The following PRB4 variants were observed in gnomAD, a reference collection of about 807,000 sequenced individuals.
PRB4 encodes the protein proline rich protein BstNI subfamily 4, also known as basic salivary proline-rich protein 4.
Under a neutral mutation model 9.1 loss-of-function variants are expected in PRB4, and 14 were observed. The observed-to-expected ratio is 1.54, with a 90% confidence interval of 1.02 to 2.41. The LOEUF is 2.41. Among genes scored for constraint, PRB4 ranks in the 30% most tolerant of loss-of-function variants. PRB4 has a pLI of 0.00. For synonymous variants in PRB4, 102 were observed against 108.5 expected (o/e 0.94, Z 0.37); for missense variants, 381 against 299.3 (o/e 1.27, Z -2.02).
Position 11,308,735 on chromosome 12 carries a change from G to C in PRB4, c.248C>G (p.Pro83Arg). The change falls in exon 3 of 4, where the codon CCA becomes CGA. Residue 83 changes from proline (P) to arginine (R), a missense_variant. Physicochemically the swap from Pro to Arg is moderately radical, Grantham distance 103. This residue lies in a region of PRB4 where 151 missense variants were observed against 105.8 expected (regional missense o/e 1.43). Transcript: ENST00000279575. ...ACCTTGGGACTGGTTGCCTCCTTGTGGGGGTCGTCCTTCTGGCTTTCCTGG... is the reference window on the plus strand; with the variant it reads ...ACCTTGGGACTGGTTGCCTCCTTGTCGGGGTCGTCCTTCTGGCTTTCCTGG... ...PPPGKPEGRP[P>R]QGGNQSQGPP... 6.3e-7 allele frequency: 1 copy of C among 1,598,552 alleles called. No homozygotes were observed. The highest frequency in any genetic ancestry group is 1.1e-5 in the South Asian group (1 of 90,478).
chr12:11,308,310 G>T lies in PRB4; in HGVS notation c.673C>A (p.Gln225Lys). Residue 225 changes from glutamine to lysine, a missense_variant, in exon 3 of 4, where the codon CAG becomes AAG. This residue lies in a region of PRB4 where 204 missense variants were observed against 134.4 expected (regional missense o/e 1.52). Coordinates refer to ENST00000279575, the MANE Select transcript of PRB4 (RefSeq NM_002723.6). ...CCTTGAGGAGGTGGAGGTGGCCCCT[G>T]GGGCTTTCCAGCAGGAGGTGCCTGA... Reference protein sequence around the residue: ...QPQAPPAGKPQGPPPPPQGGR... With the variant: ...QPQAPPAGKPKGPPPPPQGGR... 6.2e-7 allele frequency: 1 copy of T among 1,610,362 alleles called. No individual in the cohort carries two copies. Among genetic ancestry groups the T allele is most frequent in the Non-Finnish European group, 8.5e-7 (1 of 1,178,034 alleles).
chr12:11,309,437 T>C, intron 1 of PRB4, 32 bp from the exon 2 acceptor site: 1 of 1,614,022 alleles, frequency 6.2e-7, no homozygotes, highest in South Asian at 1.1e-5. Context: ...ATGGGAAATG[T>C]TACATCTCAA....
chr12:11,308,013 T>G (rs952505655), intron 3 of PRB4, among the ~76,000 whole-genome samples: 8 of 152,220 alleles, frequency 5.3e-5, no homozygotes, highest in African/African-American at 1.9e-4. Flanking sequence ...GATCATATGG[T>G]ATGTTGTTTC....
chr12:11,310,363 G>T lies in PRB4; in HGVS notation c.36C>A (p.Ala12=). The T allele has an allele frequency of 6.2e-7, 1 of 1,614,168 alleles. No homozygotes were observed. The highest frequency in any genetic ancestry group is 8.5e-7 in the Non-Finnish European group (1 of 1,180,034). Residue 12 remains alanine (A), a synonymous_variant, in exon 1 of 4, where the codon GCC becomes GCA. Transcript: ENST00000279575. ...CACTTGAACTCTCAGCTGAGCTCAG[G>T]GCCAGCAGGGCCACTGACAGCAGAA... The part of the protein sequence containing the change: ...LLILLSVALL[A]LSSAESSSED...
chr12:11,308,211 G>C lies in PRB4; in HGVS notation c.*18+10C>G. The stretch of plus-strand genomic sequence containing the variant: ...TTAGAGTCCTGATGAATAATAAAGT[G>C]GAATCATACCTGTCATTGAATCCTA... On this transcript the variant is annotated intron_variant, in intron 3 of 3. Transcript: ENST00000279575. 6.2e-7 allele frequency: 1 copy of C among 1,603,370 alleles called. No homozygotes were observed. The highest frequency in any genetic ancestry group is 1.3e-5 in the African/African-American group (1 of 74,682).
intron 1 of PRB4, among the ~76,000 whole-genome samples, 193 bp downstream of exon 1, chr12:11,310,142 T>G (rs1249180277): frequency 6.6e-6 from 1 of 152,206 alleles, no homozygotes; most frequent in Non-Finnish European, 1.5e-5. Flanking sequence ...ACAAATTCGT[T>G]ATTGGATTTC....
chr12:11,308,123 C>G (rs1200874635), intron 3 of PRB4, 98 bp downstream of exon 3: 9 of 1,396,072 alleles, frequency 6.4e-6, no homozygotes, highest in Non-Finnish European at 8.9e-6. Context: ...GGTTCTAGGA[C>G]AATACAATGT....
chr12:11,309,901 C>G (rs1863013866), intron 1 of PRB4, among the ~76,000 whole-genome samples: 1 of 152,120 alleles, frequency 6.6e-6, no homozygotes. Context: ...TAGACAGAGA[C>G]AAGTGTTCTA....
intron 3 of PRB4, among the ~76,000 whole-genome samples, chr12:11,307,564 C>G (rs1472844181): frequency 6.6e-6 from 1 of 152,114 alleles, no homozygotes; most frequent in African/African-American, 2.4e-5. Context: ...AAATGACTAA[C>G]ATATATACCT....
rs1862972134 is a variant in PRB4 at position 11,308,635 on chromosome 12, AGGAGGTGGGGTACCTTGGGACTGGTT to A, written c.322_347del (p.Asn108SerfsTer34). ...GGGGTGGTCTTTCTGGCTTTCCTGGAGGAGGTGGGGTACCTTGGGACTGGTTTCCTCCTTGTGGGGGTGGTCTTTCT... is the reference window on the plus strand; with the variant it reads ...GGGGTGGTCTTTCTGGCTTTCCTGGATCCTCCTTGTGGGGGTGGTCTTTCT... On this transcript the variant is annotated frameshift_variant, in exon 3 of 4. Transcript: ENST00000279575. LOFTEE classifies it low-confidence loss of function (END_TRUNC). 7.6e-7 allele frequency: 1 copy of A among 1,316,820 alleles called. No individual in the cohort carries two copies. 81.6% of individuals were successfully genotyped at this position (1,316,820 alleles called of 1,614,324 possible). A position where few individuals can be genotyped will look rare whatever the true frequency, so the allele number is the denominator to read the frequency against.
intron 2 of PRB4, 50 bp downstream of exon 2, chr12:11,309,320 G>T (rs1862998807): frequency 1.9e-6 from 3 of 1,613,544 alleles, no homozygotes; most frequent in Middle Eastern, 1.7e-4. Context: ...TGATCCATTT[G>T]TAAGCAGAAA....
Position 11,308,252 on chromosome 12 carries a change from T to A in PRB4, c.731A>T (p.Gln244Leu). ...GRPPRPAQGQ[Q>L]PPQ The stretch of plus-strand genomic sequence containing the variant: ...TTGAATCCTAGATTACTGGGGAGGC[T>A]GTTGTCCCTGGGCAGGTCTGGGTGG... The change falls in exon 3 of 4, where the codon CAG becomes CTG. Residue 244 changes from glutamine (Q) to leucine (L), a missense_variant. Gln to Leu is a moderately radical substitution (Grantham distance 113). Transcript: ENST00000279575. 1.2e-6 allele frequency: 2 copies of A among 1,610,698 alleles called. No individual in the cohort carries two copies. The highest frequency in any genetic ancestry group is 1.7e-6 in the Non-Finnish European group (2 of 1,178,662).
At position 11,310,436 on chromosome 12, in the gene PRB4, T is replaced by A. The variant is rs754500494; in HGVS notation, c.-38A>T. 8.7e-6 allele frequency: 14 copies of A among 1,613,764 alleles called. No individual in the cohort carries two copies. The African/African-American group carries it at 1.7e-4, about 20-fold the overall frequency. On this transcript the variant is annotated 5_prime_UTR_variant, in exon 1 of 4. Transcript: ENST00000279575. ...TCTGGAGTCACTCCCAACTCTGTGC[T>A]GGGAGGAACGTGGCAACTCCCTTTA...
At chr12:11,307,265 C>G (rs1326222530) in intron 3 of PRB4, 66 bp from the exon 4 acceptor site, 1 of 152,590 alleles carries the variant, frequency 6.6e-6, no homozygotes, top group Non-Finnish European at 1.5e-5. Context: ...CAATGTGCTC[C>G]AAATTGTGGC....
Position 11,308,581 on chromosome 12 carries a change from G to T in PRB4, c.402C>A (p.Pro134=), listed in dbSNP as rs1448345792. ...PPQGGNQSHR[P]PPPPGKPERP... is the part of the protein sequence containing the mutation. ...TTTCTGGCTTTCCTGGAGGAGGTGG[G>T]GGACGGTGGGACTGGTTGCCTCCTT... Residue 134 remains proline (P), a synonymous_variant, in exon 3 of 4, where the codon CCC becomes CCA. Transcript: ENST00000279575. 1.9e-6 allele frequency: 3 copies of T among 1,580,678 alleles called. No individual in the cohort carries two copies. The highest frequency in any genetic ancestry group is 2.6e-6 in the Non-Finnish European group (3 of 1,157,044).
Position 11,308,412 on chromosome 12 carries a change from C to G in PRB4, c.571G>C (p.Gly191Arg), listed in dbSNP as rs564883667. The G allele has an allele frequency of 6.2e-7, 1 of 1,613,222 alleles. No homozygotes were observed. Among genetic ancestry groups the G allele is most frequent in the South Asian group, 1.1e-5 (1 of 91,018 alleles). Reference sequence around the variant, plus strand: ...GGTGGGGGACCTTGAGGCTTGTTGCCTTCTTGTTGGGGTGGTCCTTGTGGC... The same window carrying G: ...GGTGGGGGACCTTGAGGCTTGTTGCGTTCTTGTTGGGGTGGTCCTTGTGGC... ...GKPQGPPQQE[G>R]NKPQGPPPPG... The change falls in exon 3 of 4, where the codon GGC (glycine) becomes CGC (arginine). Residue 191 changes from glycine (G) to arginine (R), a missense_variant. Coordinates refer to ENST00000279575, the MANE Select transcript of PRB4 (RefSeq NM_002723.6).
At chr12:11,310,051 C>T (rs1373298629) in intron 1 of PRB4, among the ~76,000 whole-genome samples, 4 of 152,208 alleles carry the variant, frequency 2.6e-5, no homozygotes, top group Non-Finnish European at 5.9e-5. Flanking sequence ...TTCCCTGAAT[C>T]TGCCTTGCAC....
chr12:11,309,038 G>A (rs1862992635), intron 2 of PRB4, among the ~76,000 whole-genome samples, 156 bp from the exon 3 acceptor site: 1 of 80,502 alleles, frequency 1.2e-5, no homozygotes, highest in Non-Finnish European at 3.0e-5. Context: ...GAACGCTGGG[G>A]GAAAAGGGAG....
rs745433298 is a variant in PRB4, at chr12:11,309,417, G to C, written c.65-12C>G. ...TTCCTGGCTGACATCTAGAAGAGAA[G>C]CACAGGATGATGGGAAATGTTACAT... On this transcript the variant is annotated splice_polypyrimidine_tract_variant and intron_variant, in intron 1 of 3. Transcript: ENST00000279575. 94 of 1,613,998 alleles carry C rather than the reference G, an allele frequency of 5.8e-5. No homozygotes were observed. The highest frequency in any genetic ancestry group is 7.9e-5 in the Non-Finnish European group (93 of 1,179,986).
Sources: allele counts gnomAD v4.1 joint callset (sites outside exome capture counted in the v4.1 genomes callset), GRCh38; gene constraint gnomAD v4.1.1; regional missense constraint gnomAD v4.1.1; transcripts MANE v1.5; gene names NCBI Gene and HGNC (gene_info 2026-07-23, HGNC 2026-07-21).